Variants in INPP5K observed in about 807,000 individuals in gnomAD.
The protein encoded by INPP5K is inositol polyphosphate-5-phosphatase K.
INPP5K carries 35 observed loss-of-function variants against 53.5 expected under a neutral mutation model. The ratio of observed to expected loss-of-function variants is 0.65; its 90% CI spans 0.50 to 0.87. INPP5K has a LOEUF of 0.87. INPP5K is among the 40% of genes least tolerant of loss of function. INPP5K has a pLI of 0.00. For missense variants in INPP5K, 550 were observed against 586.2 expected, an observed-to-expected ratio of 0.94 and a Z score of 0.64; for synonymous variants, 253 against 232.8, an observed-to-expected ratio of 1.09 and a Z score of -0.79.
chr17:1,509,351 C>A lies in INPP5K; in HGVS notation c.381G>T (p.Gly127=). 6.2e-7 allele frequency: 1 copy of A among 1,612,684 alleles called. No individual in the cohort carries two copies. Among genetic ancestry groups the A allele is most frequent in the Non-Finnish European group, 8.5e-7 (1 of 1,179,076 alleles). The part of the protein sequence containing the change: ...STPTGLFGYW[G]NKGGVNICLK... Reference sequence around the variant, plus strand: ...GGCAGATGTTGACTCCACCTTTGTTCCCCTGGTAGAACAGGTCAACAGAAG... The same window carrying A: ...GGCAGATGTTGACTCCACCTTTGTTACCCTGGTAGAACAGGTCAACAGAAG... The change falls in exon 5 of 12, where the codon GGG becomes GGT. Residue 127 remains glycine, a splice_region_variant and synonymous_variant. Coordinates refer to ENST00000421807, the MANE Select transcript of INPP5K (RefSeq NM_016532.4).
chr17:1,499,240 G>A (rs1382190769), intron 7 of INPP5K, among the ~76,000 whole-genome samples: 4 of 152,030 alleles, frequency 2.6e-5, no homozygotes, highest in African/African-American at 7.2e-5. Context: ...GAGGCCGCGC[G>A]CGGTGCTCAC....
chr17:1,512,455 C>T (rs1335700929), intron 3 of INPP5K, among the ~76,000 whole-genome samples: 5 of 152,130 alleles, frequency 3.3e-5, no homozygotes, highest in Non-Finnish European at 5.9e-5. Flanking sequence ...CCATTCTGCT[C>T]CCCCTCCAAA....
chr17:1,499,705 G>C (rs906137013), intron 7 of INPP5K, among the ~76,000 whole-genome samples: 1 of 152,216 alleles, frequency 6.6e-6, no homozygotes, highest in African/African-American at 2.4e-5. Context: ...TTGAGGCCCT[G>C]CCCTCCTGGA....
rs2075446329 is a variant in INPP5K, at chr17:1,516,590, C to G, written c.-91G>C. 2 of 1,430,752 alleles carry G rather than the reference C, an allele frequency of 1.4e-6. No individual in the cohort carries two copies. Among genetic ancestry groups the G allele is most frequent in the Admixed American group, 5.7e-5 (2 of 35,154 alleles). The allele number at this position is 1,430,752 out of a possible 1,614,324, so 88.6% of individuals were successfully genotyped here. On this transcript the variant is annotated 5_prime_UTR_variant, in exon 1 of 12. Coordinates refer to ENST00000421807, the MANE Select transcript of INPP5K (RefSeq NM_016532.4). ...GAGCAGCCCTGCGGGCGGCCGGTCTCACGCGCCTAGCTGTCGCGGACTGTT... is the reference window on the plus strand; with the variant it reads ...GAGCAGCCCTGCGGGCGGCCGGTCTGACGCGCCTAGCTGTCGCGGACTGTT...
chr17:1,498,267 G>A (rs866509246), intron 7 of INPP5K, 145 bp from the exon 8 acceptor site: 18 of 638,360 alleles, frequency 2.8e-5, no homozygotes, highest in Middle Eastern at 4.0e-4. Flanking sequence ...AGAGCCGGAG[G>A]GAGCAAGGCA....
At position 1,513,572 on chromosome 17, in the gene INPP5K, C is replaced by T. The variant is rs778074089; in HGVS notation, c.153-11G>A. On this transcript the variant is annotated splice_polypyrimidine_tract_variant and intron_variant, in intron 2 of 11. Coordinates refer to ENST00000421807, the MANE Select transcript of INPP5K (RefSeq NM_016532.4). ...TTCAATTCCTGCAAACTGACCATGC[C>T]AGCTCAGAGGCTTGGCCCCTGGCCT... 1 of 1,611,318 alleles carries T rather than the reference C, an allele frequency of 6.2e-7. No individual in the cohort carries two copies.
Position 1,495,553 on chromosome 17 carries a change from G to A in INPP5K, c.*270C>T, listed in dbSNP as rs565119806. ...GGGGGTAGGAATCCAGAAATGAGAC[G>A]CAGAACTGTCCCCAGGTCTTCACTG... On this transcript the variant is annotated 3_prime_UTR_variant, in exon 12 of 12. Transcript: ENST00000421807. The A allele has an allele frequency of 7.7e-5, 34 of 442,584 alleles. No individual in the cohort carries two copies. Among genetic ancestry groups the A allele is most frequent in the African/African-American group, 4.5e-4 (22 of 49,186 alleles). 27.4% of individuals were successfully genotyped at this position (442,584 alleles called of 1,614,324 possible). A position where few individuals can be genotyped will look rare whatever the true frequency, so the allele number is the denominator to read the frequency against.
In INPP5K at chr17:1,495,484, A is replaced by G; in HGVS notation, c.*339T>C. 1 of 294,344 alleles carries G rather than the reference A, an allele frequency of 3.4e-6. No individual in the cohort carries two copies. Among genetic ancestry groups the G allele is most frequent in the Non-Finnish European group, 6.5e-6 (1 of 154,932 alleles). 18.2% of individuals were successfully genotyped at this position (294,344 alleles called of 1,614,324 possible). Reference sequence around the variant, plus strand: ...CGACAAGAATGCAGGCCTGTGCCAAATGGGGCATGTGCCTGGCAGGACTAC... The same window carrying G: ...CGACAAGAATGCAGGCCTGTGCCAAGTGGGGCATGTGCCTGGCAGGACTAC... On this transcript the variant is annotated 3_prime_UTR_variant, in exon 12 of 12. Transcript: ENST00000421807.
In INPP5K at chr17:1,495,986, C is replaced by T; in HGVS notation, c.1290+74G>A. The T allele has an allele frequency of 2.8e-6, 4 of 1,427,344 alleles. No homozygotes were observed. In the South Asian group the frequency reaches 4.6e-5, roughly 16 times the overall value. The allele number at this position is 1,427,344 out of a possible 1,614,324, so 88.4% of individuals were successfully genotyped here. ...GGCCCCTCATGTACCGGCTGGCTCC[C>T]AGGCCTGGGCCTCAGGGAGCCAGTG... On this transcript the variant is annotated intron_variant, in intron 11 of 11. Coordinates refer to ENST00000421807, the MANE Select transcript of INPP5K (RefSeq NM_016532.4).
chr17:1,503,830 C>T (rs562445849), intron 7 of INPP5K, among the ~76,000 whole-genome samples: 3 of 152,192 alleles, frequency 2.0e-5, no homozygotes, highest in Non-Finnish European at 4.4e-5. Context: ...TTTGCCCTCC[C>T]TATAAGGGAG....
chr17:1,511,274 T>C (rs546539151), intron 3 of INPP5K, among the ~76,000 whole-genome samples: 3 of 151,878 alleles, frequency 2.0e-5, no homozygotes, highest in African/African-American at 7.3e-5. Context: ...AAGGAACCAG[T>C]AGGGCTACCT....
At chr17:1,501,246 C>A (rs1285132662) in intron 7 of INPP5K, among the ~76,000 whole-genome samples, 1 of 152,244 alleles carries the variant, frequency 6.6e-6, no homozygotes, top group Non-Finnish European at 1.5e-5. Flanking sequence ...GCGTGAGCCA[C>A]CGTGCCTGGC....
chr17:1,513,514 GC>G lies in INPP5K; in HGVS notation c.199del (p.Ala67ProfsTer17). Reference sequence around the variant, plus strand: ...GAAACTGCTCCACGAGTCATTAAAGGCAGCATCGGAAAGGAGGCTTATGATC... The same window carrying G: ...GAAACTGCTCCACGAGTCATTAAAGGAGCATCGGAAAGGAGGCTTATGATC... ...SGIISLLSDA[A>X]FNDSWSSFLM... is the part of the protein sequence containing the mutation. On this transcript the variant is annotated frameshift_variant, in exon 3 of 12. Transcript: ENST00000421807. LOFTEE classifies it high-confidence loss of function. 1 of 1,614,246 alleles carries G rather than the reference GC, an allele frequency of 6.2e-7. No individual in the cohort carries two copies. The highest frequency in any genetic ancestry group is 8.5e-7 in the Non-Finnish European group (1 of 1,180,044).
intron 3 of INPP5K, 59 bp downstream of exon 3, chr17:1,513,394 C>T: frequency 8.0e-7 from 1 of 1,250,674 alleles, no homozygotes; most frequent in South Asian, 1.2e-5. Context: ...ACCCAACAAG[C>T]AGGGGTCAGT....
intron 8 of INPP5K, 44 bp downstream of exon 8, chr17:1,497,892 C>T: frequency 6.5e-7 from 1 of 1,536,752 alleles, no homozygotes; most frequent in Non-Finnish European, 8.9e-7. Flanking sequence ...ATGTGGCCAG[C>T]ATAGCTATTC....
Position 1,496,390 on chromosome 17 carries a change from C to T in INPP5K, c.1114G>A (p.Asp372Asn). ...WIGLYKVGLR[D>N]VNDYVSYAWV... Reference sequence around the variant, plus strand: ...GCATAGGACACGTAGTCATTAACGTCCCGCAGCCCCACCTGTGAGGGGGAG... The same window carrying T: ...GCATAGGACACGTAGTCATTAACGTTCCGCAGCCCCACCTGTGAGGGGGAG... Residue 372 changes from aspartate to asparagine, a missense_variant, in exon 10 of 12, where the codon GAC (aspartate) becomes AAC (asparagine). Transcript: ENST00000421807. The T allele has an allele frequency of 6.4e-7, 1 of 1,560,996 alleles. No homozygotes were observed. Among genetic ancestry groups the T allele is most frequent in the Non-Finnish European group, 8.7e-7 (1 of 1,152,340 alleles).
intron 7 of INPP5K, among the ~76,000 whole-genome samples, chr17:1,506,157 G>A (rs2075149755): frequency 6.6e-6 from 1 of 152,108 alleles, no homozygotes; most frequent in Admixed American, 6.5e-5. Flanking sequence ...CTGAGTAGCT[G>A]GGATTACAGG....
At chr17:1,509,582 G>A in intron 4 of INPP5K, 101 bp downstream of exon 4, 4 of 954,604 alleles carry the variant, frequency 4.2e-6, no homozygotes, top group East Asian at 2.4e-5. Flanking sequence ...CATTGGGCTG[G>A]ACAGAGGACC....
Position 1,495,246 on chromosome 17 carries a change from G to GTT in INPP5K, c.*576_*577insAA, listed in dbSNP as rs1445592362. The GTT allele has an allele frequency of 6.6e-6, 1 of 152,430 alleles. No individual in the cohort carries two copies. The highest frequency in any genetic ancestry group is 6.5e-5 in the Admixed American group (1 of 15,286). The allele number at this position is 152,430 out of a possible 1,614,324, so 9.4% of individuals were successfully genotyped here. On this transcript the variant is annotated 3_prime_UTR_variant, in exon 12 of 12. Transcript: ENST00000421807. ...TCATCAACCTGCTCATAACCATGGC[G>GTT]TAAGAGCCTGGCTAGAGGGGCCCCT...
Sources: gnomAD v4.1 joint callset for allele counts (sites outside exome capture counted in the v4.1 genomes callset) on GRCh38, gnomAD v4.1.1 for gene constraint, MANE v1.5 for transcripts, NCBI Gene and HGNC (gene_info 2026-07-23, HGNC 2026-07-21) for gene names.